The following MSI2 variants were observed in gnomAD, a reference collection of about 807,000 sequenced individuals.
The protein encoded by MSI2 is RNA-binding protein Musashi homolog 2.
A neutral mutation model predicts 45.6 loss-of-function variants in MSI2; 17 were observed. The ratio of observed to expected loss-of-function variants is 0.37; its 90% confidence interval spans 0.26 to 0.56. The LOEUF (loss-of-function observed/expected upper bound fraction) is 0.56. Ranked by LOEUF, MSI2 falls within the 20% of genes least tolerant of loss-of-function variation. The probability of loss-of-function intolerance (pLI) is 0.77; values close to 1 mark genes in which losing one functional copy is unlikely to be tolerated. For missense variants in MSI2, 293 were observed against 444.2 expected (o/e 0.66, Z 3.06); for synonymous variants, 156 against 158.2 (o/e 0.99, Z 0.11).
chr17:57,418,275 G>A (rs947303027), intron 6 of MSI2, among the ~76,000 whole-genome samples: 3 of 152,194 alleles, frequency 2.0e-5, no homozygotes, highest in African/African-American at 7.2e-5. Flanking sequence ...AGAAAGCAGC[G>A]ATTTCATAGA....
chr17:57,625,954 G>T (rs1908755651), intron 9 of MSI2: 1 of 152,282 alleles, frequency 6.6e-6, no homozygotes, highest in Non-Finnish European at 1.5e-5. Flanking sequence ...AATAAATTCG[G>T]AGCCAGTCCC....
intron 6 of MSI2, among the ~76,000 whole-genome samples, chr17:57,416,282 G>A (rs1197595526): frequency 1.3e-5 from 2 of 152,174 alleles, no homozygotes; most frequent in Non-Finnish European, 2.9e-5. Flanking sequence ...AGGAGATGGT[G>A]CATTAAAAAT....
chr17:57,508,325 C>T (rs754173421), intron 6 of MSI2, among the ~76,000 whole-genome samples: 4 of 151,662 alleles, frequency 2.6e-5, no homozygotes, highest in Non-Finnish European at 5.9e-5. Flanking sequence ...GGACCTCCAG[C>T]CCCTACCATG....
chr17:57,639,237 G>A (rs373600713), intron 10 of MSI2, among the ~76,000 whole-genome samples: 54 of 152,298 alleles, frequency 3.5e-4, no homozygotes, highest in African/African-American at 1.3e-3. Context: ...CATCCGAGCC[G>A]AGTTTTGGAG....
chr17:57,411,269 AGTGTTGGGATTACAG>A (rs2084191169), intron 6 of MSI2, among the ~76,000 whole-genome samples: 1 of 152,194 alleles, frequency 6.6e-6, no homozygotes, highest in African/African-American at 2.4e-5. Context: ...AGCCTCCCAA[AGTGTTGGGATTACAG>A]GCGTGAGCCA....
chr17:57,510,824 T>C (rs571998750), intron 6 of MSI2, among the ~76,000 whole-genome samples: 29 of 152,354 alleles, frequency 1.9e-4, no homozygotes, highest in African/African-American at 6.7e-4. Context: ...AATAGGCTTA[T>C]GGCACATTTT....
chr17:57,434,657 A>G (rs2143411536), intron 6 of MSI2, among the ~76,000 whole-genome samples: 1 of 152,054 alleles, frequency 6.6e-6, no homozygotes, highest in South Asian at 2.1e-4. Flanking sequence ...ATCATGTAAT[A>G]TTTGTCTTTC....
chr17:57,376,957 G>A (rs1019862883), intron 5 of MSI2, among the ~76,000 whole-genome samples: 1 of 139,642 alleles, frequency 7.2e-6, no homozygotes, highest in South Asian at 2.3e-4. Flanking sequence ...GTCTCGCTCT[G>A]TCCCCCAGGC....
chr17:57,507,962 T>C (rs188286834), intron 6 of MSI2, among the ~76,000 whole-genome samples: 94 of 152,326 alleles, frequency 6.2e-4, no homozygotes, highest in Non-Finnish European at 1.0e-3. Context: ...ATTTTCTTTT[T>C]AATCCTTGCT....
intron 6 of MSI2, among the ~76,000 whole-genome samples, chr17:57,408,812 C>G (rs1842536471): frequency 6.6e-6 from 1 of 152,166 alleles, no homozygotes; most frequent in Non-Finnish European, 1.5e-5. Flanking sequence ...GGAGAAAGCG[C>G]AGTTCATTTA....
chr17:57,470,308 T>C (rs1422575903), intron 6 of MSI2, among the ~76,000 whole-genome samples: 1 of 152,116 alleles, frequency 6.6e-6, no homozygotes, highest in Admixed American at 6.5e-5. Context: ...GATGGAGTCT[T>C]GCTCTGCCAC....
chr17:57,416,094 T>C (rs2084288913), intron 6 of MSI2, among the ~76,000 whole-genome samples: 1 of 152,194 alleles, frequency 6.6e-6, no homozygotes, highest in South Asian at 2.1e-4. Context: ...CAGCTTCTGT[T>C]GAGAAGATAA....
intron 5 of MSI2, among the ~76,000 whole-genome samples, chr17:57,270,272 T>C (rs12451003): frequency 0.16 from 24,057 of 150,760 alleles, 2,209 homozygotes; most frequent in Admixed American, 0.28. Context: ...GTTGGTATTA[T>C]CTCCGTTTGA....
chr17:57,293,595 G>T lies in MSI2; in HGVS notation c.312+31403G>T, dbSNP rs200601209. 9.5e-4 allele frequency among the ~76,000 whole-genome samples: 128 copies of T among 134,698 alleles called. No individual in the cohort carries two copies. The South Asian group carries it at 0.019, about 20-fold the overall frequency. 88.4% of individuals were successfully genotyped at this position (134,698 alleles called of 152,430 possible). On this transcript the variant is annotated intron_variant, in intron 5 of 13. Coordinates refer to ENST00000284073, the MANE Select transcript of MSI2 (RefSeq NM_138962.4). ...GTAATCAGTGCTTTATTGTTTTTTT[G>T]TTTTTTTTTTTGTTTTTTTTTGTTT...
chr17:57,343,209 T>C (rs1287083322), intron 5 of MSI2, among the ~76,000 whole-genome samples: 1 of 152,152 alleles, frequency 6.6e-6, no homozygotes, highest in African/African-American at 2.4e-5. Context: ...GCAGATGAAA[T>C]GGAGCTAAGC....
rs1283258264 is a variant in MSI2 at position 57,529,777 on chromosome 17, G to T, written c.454+53G>T. 6 of 1,466,904 alleles carry T rather than the reference G, an allele frequency of 4.1e-6. No individual in the cohort carries two copies. The highest frequency in any genetic ancestry group is 5.7e-6 in the Non-Finnish European group (6 of 1,060,472). 90.9% of individuals were successfully genotyped at this position (1,466,904 alleles called of 1,614,324 possible). ...GCGTTCACCCTCTCCTGGCCTCTCT[G>T]TCTGTCATCCCCAGTCCCACTGACA... On this transcript the variant is annotated intron_variant, in intron 7 of 13. Coordinates refer to ENST00000284073, the MANE Select transcript of MSI2 (RefSeq NM_138962.4). This position sits in a 1 kb window ranked among gnomAD's most constrained non-coding sequence, Gnocchi z 5.3.
At chr17:57,412,844 G>C (rs1567809352) in intron 6 of MSI2, among the ~76,000 whole-genome samples, 1 of 152,186 alleles carries the variant, frequency 6.6e-6, no homozygotes, top group African/African-American at 2.4e-5. Flanking sequence ...TCTGGTATTA[G>C]ACCCAGCTCA....
At chr17:57,406,477 C>G (rs1446437431) in intron 6 of MSI2, among the ~76,000 whole-genome samples, 1 of 152,168 alleles carries the variant, frequency 6.6e-6, no homozygotes, top group African/African-American at 2.4e-5. Flanking sequence ...CCGGATGGAG[C>G]CGTTCCGCAC....
At chr17:57,416,230 T>C (rs2143246282) in intron 6 of MSI2, among the ~76,000 whole-genome samples, 1 of 152,256 alleles carries the variant, frequency 6.6e-6, no homozygotes, top group Admixed American at 6.5e-5. Context: ...CAGATATTTG[T>C]AGGGGGTTGT....
Sources: allele counts gnomAD v4.1 joint callset (sites outside exome capture counted in the v4.1 genomes callset), GRCh38; gene constraint gnomAD v4.1.1; non-coding constraint Gnocchi (gnomAD v3.1); transcripts MANE v1.5; gene names NCBI Gene and HGNC (gene_info 2026-07-23, HGNC 2026-07-21).